The following OSBPL1A variants were observed in gnomAD, a reference collection of about 807,000 sequenced individuals.
The protein encoded by OSBPL1A is oxysterol-binding protein-related protein 1.
In OSBPL1A, 80 loss-of-function variants were observed where a neutral mutation model predicts 137.1. The observed-to-expected ratio is 0.58, with a 90% CI of 0.49 to 0.70. OSBPL1A has a LOEUF of 0.70. OSBPL1A is among the 30% of genes least tolerant of loss of function. The probability of loss-of-function intolerance (pLI) is 0.00; values close to 1 mark genes in which losing one functional copy is unlikely to be tolerated. For synonymous variants in OSBPL1A, 365 were observed against 389.7 expected (o/e 0.94, Z 0.75); for missense variants, 970 against 1,129.4 (o/e 0.86, Z 2.02).
intron 17 of OSBPL1A, among the ~76,000 whole-genome samples, chr18:24,207,384 T>A (rs978060856): frequency 1.3e-5 from 2 of 152,356 alleles, no homozygotes; most frequent in Middle Eastern, 3.4e-3. Context: ...GCGCTCAGCC[T>A]CTTATGTCAC....
In OSBPL1A at chr18:24,323,938, C is replaced by A. The variant is rs1241871732; in HGVS notation, c.626-5129G>T. Among the ~76,000 whole-genome samples, 2 of 57,406 alleles carry A rather than the reference C, an allele frequency of 3.5e-5. 1 individual carries two copies. Among genetic ancestry groups the A allele is most frequent in the African/African-American group, 2.3e-4 (2 of 8,862 alleles). 37.7% of individuals were successfully genotyped at this position (57,406 alleles called of 152,430 possible). On this transcript the variant is annotated intron_variant, in intron 7 of 27. Transcript: ENST00000319481. ...TGTATATGTGCCACATTTTCTTAAT[C>A]CAGTCTATCATTGTTGGGCATTTGG...
At chr18:24,313,409 C>A (rs1476048618) in intron 12 of OSBPL1A, among the ~76,000 whole-genome samples, 1 of 145,616 alleles carries the variant, frequency 6.9e-6, no homozygotes, top group Non-Finnish European at 1.5e-5. Context: ...CCACTGCACT[C>A]AAGCCTGGGC....
intron 15 of OSBPL1A, among the ~76,000 whole-genome samples, chr18:24,253,178 G>T (rs1027521877): frequency 8.0e-6 from 1 of 124,788 alleles, no homozygotes; most frequent in South Asian, 3.1e-4. Flanking sequence ...GGGGGGGGGC[G>T]CTGAATGGAT....
At chr18:24,263,867 C>T (rs1386640627) in intron 15 of OSBPL1A, among the ~76,000 whole-genome samples, 1 of 152,116 alleles carries the variant, frequency 6.6e-6, no homozygotes, top group Non-Finnish European at 1.5e-5. Flanking sequence ...GAACTCCTGA[C>T]CTCAAGCTAT....
At chr18:24,297,522 G>T (rs2090314378) in intron 14 of OSBPL1A, among the ~76,000 whole-genome samples, 1 of 152,056 alleles carries the variant, frequency 6.6e-6, no homozygotes, top group Non-Finnish European at 1.5e-5. Context: ...TTTTAATGCA[G>T]GCATTAAACG....
intron 2 of OSBPL1A, among the ~76,000 whole-genome samples, chr18:24,374,137 C>T (rs1905896113): frequency 6.6e-6 from 1 of 152,146 alleles, no homozygotes; most frequent in Non-Finnish European, 1.5e-5. Flanking sequence ...AAATTTTATA[C>T]ATTTTTTTAT....
chr18:24,185,571 G>T (rs1004042335), intron 18 of OSBPL1A, among the ~76,000 whole-genome samples: 1 of 151,878 alleles, frequency 6.6e-6, no homozygotes, highest in Non-Finnish European at 1.5e-5. Context: ...CGCCCACCTC[G>T]GCCTCCCAAA....
intron 18 of OSBPL1A, among the ~76,000 whole-genome samples, chr18:24,186,849 A>C (rs1242073190): frequency 1.4e-5 from 2 of 141,790 alleles, no homozygotes; most frequent in Non-Finnish European, 3.0e-5. Flanking sequence ...GGTTGCAGTG[A>C]GCCAAGATCA....
intron 17 of OSBPL1A, among the ~76,000 whole-genome samples, chr18:24,224,106 T>A (rs2087983876): frequency 6.6e-6 from 1 of 152,180 alleles, no homozygotes. Context: ...TCTAGTTGGT[T>A]ACCTAAAACT....
chr18:24,380,576 T>C (rs1282237017), intron 1 of OSBPL1A, among the ~76,000 whole-genome samples: 1 of 152,216 alleles, frequency 6.6e-6, no homozygotes, highest in Non-Finnish European at 1.5e-5. Context: ...TGGTCCCTTC[T>C]ATAGCCCTAC....
intron 16 of OSBPL1A, among the ~76,000 whole-genome samples, chr18:24,230,435 AAC>A (rs2088235324): frequency 6.6e-6 from 1 of 152,208 alleles, no homozygotes; most frequent in Admixed American, 6.5e-5. Context: ...TTACAATAAA[AAC>A]AACAACAAAC....
At chr18:24,178,566 C>A (rs2086517351) in intron 20 of OSBPL1A, among the ~76,000 whole-genome samples, 1 of 152,198 alleles carries the variant, frequency 6.6e-6, no homozygotes, top group Non-Finnish European at 1.5e-5. Flanking sequence ...GCTGGGATTA[C>A]AGGCATGAGC....
At chr18:24,338,163 C>T (rs1206461869) in intron 5 of OSBPL1A, among the ~76,000 whole-genome samples, 1 of 151,240 alleles carries the variant, frequency 6.6e-6, no homozygotes, top group African/African-American at 2.4e-5. Context: ...ACCTCTGCCT[C>T]TCGGGTTCAA....
At chr18:24,172,837 A>C (rs985809182) in intron 21 of OSBPL1A, among the ~76,000 whole-genome samples, 1 of 152,228 alleles carries the variant, frequency 6.6e-6, no homozygotes, top group Non-Finnish European at 1.5e-5. Flanking sequence ...TAGAGAAAGT[A>C]CCCTCCAGCT....
intron 17 of OSBPL1A, among the ~76,000 whole-genome samples, chr18:24,197,919 T>A (rs1263788065): frequency 6.6e-6 from 1 of 151,932 alleles, no homozygotes. Context: ...CCCGAGTAGC[T>A]GGGATTTCAG....
At position 24,271,986 on chromosome 18, in the gene OSBPL1A, G is replaced by T. The variant is rs957080769; in HGVS notation, c.1281+8856C>A. 10 of 981,714 alleles carry T rather than the reference G, an allele frequency of 1.0e-5. No homozygotes were observed. Among genetic ancestry groups the T allele is most frequent in the African/African-American group, 1.8e-5 (1 of 56,850 alleles). The allele number at this position is 981,714 out of a possible 1,614,324, so 60.8% of individuals were successfully genotyped here. ...CGGGGCTCGCGGGGAGAGCGCGGGC[G>T]GGCGGCGGCAAGGCCTGCGGCGGGC... is the stretch of plus-strand genomic sequence containing the variant. On this transcript the variant is annotated intron_variant, in intron 15 of 27. Coordinates refer to ENST00000319481, the MANE Select transcript of OSBPL1A (RefSeq NM_080597.4). This position sits in a 1 kb window ranked among gnomAD's most constrained non-coding sequence, Gnocchi z 4.0.
intron 15 of OSBPL1A, among the ~76,000 whole-genome samples, chr18:24,258,054 T>C (rs1182440291): frequency 1.3e-5 from 2 of 152,190 alleles, no homozygotes; most frequent in Non-Finnish European, 2.9e-5. Context: ...AAGAACAGTT[T>C]GGAGGTTTCT....
chr18:24,384,957 A>AT (rs199508399), intron 1 of OSBPL1A, among the ~76,000 whole-genome samples: 3,622 of 143,928 alleles, frequency 0.025, 152 homozygotes, highest in African/African-American at 0.08. Flanking sequence ...ATAGGTTAGA[A>AT]TTTTTTTTTT....
At chr18:24,326,966 T>G (rs140863992) in intron 7 of OSBPL1A, among the ~76,000 whole-genome samples, 55 of 152,276 alleles carry the variant, frequency 3.6e-4, no homozygotes, top group African/African-American at 1.3e-3. Context: ...TTTTAAAAAA[T>G]GTTCTAAAAT....
Sources: gnomAD v4.1 joint callset for allele counts (sites outside exome capture counted in the v4.1 genomes callset) on GRCh38, gnomAD v4.1.1 for gene constraint, Gnocchi (gnomAD v3.1) non-coding constraint, MANE v1.5 for transcripts, NCBI Gene and HGNC (gene_info 2026-07-23, HGNC 2026-07-21) for gene names.